The following CMTM3 variants were observed in gnomAD, a reference collection of about 807,000 sequenced individuals.
The protein encoded by CMTM3 is CKLF like MARVEL transmembrane domain containing 3.
CMTM3 carries 7 observed loss-of-function variants against 18.2 expected under a neutral mutation model. The observed-to-expected ratio is 0.38, with a 90% confidence interval of 0.22 to 0.72. The LOEUF is 0.72. CMTM3 is among the 30% of genes least tolerant of loss of function. The pLI is 0.46. For synonymous variants in CMTM3, 109 were observed against 111.2 expected (o/e 0.98, Z 0.12); for missense variants, 227 against 249.2 (o/e 0.91, Z 0.60).
In CMTM3 at chr16:66,613,061, G is replaced by A. The variant is rs2015443242; in HGVS notation, c.*424G>A. The A allele has an allele frequency of 5.7e-6, 4 of 702,982 alleles. No homozygotes were observed. The highest frequency in any genetic ancestry group is 1.7e-5 in the African/African-American group (1 of 57,352). The allele number at this position is 702,982 out of a possible 1,614,324, so 43.5% of individuals were successfully genotyped here. A position where few individuals can be genotyped will look rare whatever the true frequency, so the allele number is the denominator to read the frequency against. ...AAACCATGACAGGGCTGCCCCGCCA[G>A]GCCCCGGTGGGTTTGTCTGCACTTG... On this transcript the variant is annotated 3_prime_UTR_variant, in exon 5 of 5. Transcript: ENST00000567572.
rs768223155 is a variant in CMTM3 at position 66,608,479 on chromosome 16, C to T, written c.303+15C>T. Reference sequence around the variant, plus strand: ...GGCCCATGATGGTGAGGACAGGGGCCCCAGGAGGGAGGGGTGCCCTGCACA... The same window carrying T: ...GGCCCATGATGGTGAGGACAGGGGCTCCAGGAGGGAGGGGTGCCCTGCACA... On this transcript the variant is annotated intron_variant, in intron 2 of 4. Coordinates refer to ENST00000567572, the MANE Select transcript of CMTM3 (RefSeq NM_181553.4). This position sits in a 1 kb window ranked among gnomAD's most constrained non-coding sequence, Gnocchi z 5.1. The T allele has an allele frequency of 1.2e-5, 19 of 1,612,862 alleles. No individual in the cohort carries two copies. Among genetic ancestry groups the T allele is most frequent in the Non-Finnish European group, 1.6e-5 (19 of 1,179,966 alleles).
chr16:66,606,333 G>A (rs997458596), intron 1 of CMTM3, among the ~76,000 whole-genome samples: 1 of 152,152 alleles, frequency 6.6e-6, no homozygotes, highest in Non-Finnish European at 1.5e-5. Flanking sequence ...TTAGGCTTTG[G>A]GGTGCAGGCA....
rs1436383850 is a variant in CMTM3 at position 66,612,685 on chromosome 16, C to G, written c.*48C>G. ...ACCTGAGCCACACAGGCCTCCACCC[C>G]TGCGCCTCACAGGGGTCGCTGGCGT... On this transcript the variant is annotated 3_prime_UTR_variant, in exon 5 of 5. Coordinates refer to ENST00000567572, the MANE Select transcript of CMTM3 (RefSeq NM_181553.4). This position sits in a 1 kb window ranked among gnomAD's most constrained non-coding sequence, Gnocchi z 6.0. 1 of 1,597,256 alleles carries G rather than the reference C, an allele frequency of 6.3e-7. No individual in the cohort carries two copies. Among genetic ancestry groups the G allele is most frequent in the Admixed American group, 1.7e-5 (1 of 59,630 alleles).
Position 66,609,229 on chromosome 16 carries a change from C to A in CMTM3, c.304-206C>A. On this transcript the variant is annotated intron_variant, in intron 2 of 4. Transcript: ENST00000567572. This position sits in a 1 kb window ranked among gnomAD's most constrained non-coding sequence, Gnocchi z 4.4. The stretch of plus-strand genomic sequence containing the variant: ...CTTAGGACAGCAGCCCCGCTGGACC[C>A]GGGATAGGGCAGTGTCAGCTGCTGG... 3.4e-6 allele frequency: 2 copies of A among 586,910 alleles called. No individual in the cohort carries two copies. The highest frequency in any genetic ancestry group is 6.1e-6 in the Non-Finnish European group (2 of 328,890). The allele number at this position is 586,910 out of a possible 1,614,324, so 36.4% of individuals were successfully genotyped here.
At position 66,612,664 on chromosome 16, in the gene CMTM3, G is replaced by C; in HGVS notation, c.*27G>C. ...GGCCTGGCGGGTGCCTTGGCAACCTGAGCCACACAGGCCTCCACCCCTGCG... is the reference window on the plus strand; with the variant it reads ...GGCCTGGCGGGTGCCTTGGCAACCTCAGCCACACAGGCCTCCACCCCTGCG... On this transcript the variant is annotated 3_prime_UTR_variant, in exon 5 of 5. Transcript: ENST00000567572. This position sits in a 1 kb window ranked among gnomAD's most constrained non-coding sequence, Gnocchi z 6.0. 6.2e-7 allele frequency: 1 copy of C among 1,612,514 alleles called. No individual in the cohort carries two copies. Among genetic ancestry groups the C allele is most frequent in the Non-Finnish European group, 8.5e-7 (1 of 1,178,872 alleles).
rs1456169451 is a variant in CMTM3, at chr16:66,613,334, G to C, written c.*697G>C. 1.8e-6 allele frequency: 1 copy of C among 570,412 alleles called. No individual in the cohort carries two copies. The highest frequency in any genetic ancestry group is 3.1e-6 in the Non-Finnish European group (1 of 318,068). 35.3% of individuals were successfully genotyped at this position (570,412 alleles called of 1,614,324 possible). ...AAGAGCTCATAGACTGACTGGTCCAGAAGACAGAGGGTACAACAGTGGCAT... is the reference window on the plus strand; with the variant it reads ...AAGAGCTCATAGACTGACTGGTCCACAAGACAGAGGGTACAACAGTGGCAT... On this transcript the variant is annotated 3_prime_UTR_variant, in exon 5 of 5. Coordinates refer to ENST00000567572, the MANE Select transcript of CMTM3 (RefSeq NM_181553.4).
chr16:66,611,780 A>G lies in CMTM3; in HGVS notation c.521-829A>G, dbSNP rs377299222. ...GGGATTTCAGGAACCCTCGAGGTAC[A>G]CCTCATAGGCAGGCCCTTACCATTA... On this transcript the variant is annotated intron_variant, in intron 4 of 4. Transcript: ENST00000567572. 5.3e-5 allele frequency among the ~76,000 whole-genome samples: 8 copies of G among 152,144 alleles called. No homozygotes were observed. The South Asian group carries it at 1.7e-3, about 31-fold the overall frequency.
In CMTM3 at chr16:66,612,946, A is replaced by G; in HGVS notation, c.*309A>G. ...AAACCAGCACAAGGAGACAAAGCAG[A>G]GCCTTGTCTGTATCTGGGCAGCAGG... On this transcript the variant is annotated 3_prime_UTR_variant, in exon 5 of 5. Coordinates refer to ENST00000567572, the MANE Select transcript of CMTM3 (RefSeq NM_181553.4). The surrounding 1 kb of genome is among the most constrained non-coding windows in gnomAD (Gnocchi z 6.0). The G allele has an allele frequency of 1.5e-6, 1 of 656,846 alleles. No individual in the cohort carries two copies. The allele number at this position is 656,846 out of a possible 1,614,324, so 40.7% of individuals were successfully genotyped here.
chr16:66,612,996 G>A lies in CMTM3; in HGVS notation c.*359G>A. ...GTGTTCCATGCTGCTAGGTGGCGGG[G>A]GTCGGGGGTCTTCTGTTTCACTAAC... On this transcript the variant is annotated 3_prime_UTR_variant, in exon 5 of 5. Coordinates refer to ENST00000567572, the MANE Select transcript of CMTM3 (RefSeq NM_181553.4). This position sits in a 1 kb window ranked among gnomAD's most constrained non-coding sequence, Gnocchi z 6.0. The A allele has an allele frequency of 1.4e-6, 1 of 700,162 alleles. No individual in the cohort carries two copies. The highest frequency in any genetic ancestry group is 2.6e-6 in the Non-Finnish European group (1 of 383,106). The allele number at this position is 700,162 out of a possible 1,614,324, so 43.4% of individuals were successfully genotyped here. A position where few individuals can be genotyped will look rare whatever the true frequency, so the allele number is the denominator to read the frequency against.
Position 66,610,555 on chromosome 16 carries a change from G to A in CMTM3, c.520+552G>A, listed in dbSNP as rs1410439763. Among the ~76,000 whole-genome samples, 1 of 152,188 alleles carries A rather than the reference G, an allele frequency of 6.6e-6. No individual in the cohort carries two copies. The highest frequency in any genetic ancestry group is 6.5e-5 in the Admixed American group (1 of 15,286). On this transcript the variant is annotated intron_variant, in intron 4 of 4. Coordinates refer to ENST00000567572, the MANE Select transcript of CMTM3 (RefSeq NM_181553.4). This position sits in a 1 kb window ranked among gnomAD's most constrained non-coding sequence, Gnocchi z 4.6. ...GCCCACGCTGGGTGTCAGCTGGCCC[G>A]AGGCTCTGGAGGGGACACTAGAGCT...
Position 66,608,966 on chromosome 16 carries a change from T to C in CMTM3, c.304-469T>C, listed in dbSNP as rs1019652328. 2.6e-5 allele frequency among the ~76,000 whole-genome samples: 4 copies of C among 152,122 alleles called. No homozygotes were observed. The highest frequency in any genetic ancestry group is 9.7e-5 in the African/African-American group (4 of 41,350). On this transcript the variant is annotated intron_variant, in intron 2 of 4. Transcript: ENST00000567572. The surrounding 1 kb of genome is among the most constrained non-coding windows in gnomAD (Gnocchi z 5.1). ...CTTGAACCCTTGTCTCTTGACTTCA[T>C]ATCCAGCATCTGCTGCCTCAGGAGG...
At position 66,605,785 on chromosome 16, in the gene CMTM3, AG is replaced by A. The variant is rs2015127917; in HGVS notation, c.147+836del. 2.0e-5 allele frequency among the ~76,000 whole-genome samples: 3 copies of A among 152,190 alleles called. 1 individual carries two copies. The South Asian group carries it at 6.2e-4, about 32-fold the overall frequency. ...GAGGGGCCCAGTGAGAGCGGCCAGG[AG>A]GGTGGGGGCAGGAGGAAGGGGGATT... On this transcript the variant is annotated intron_variant, in intron 1 of 4. Coordinates refer to ENST00000567572, the MANE Select transcript of CMTM3 (RefSeq NM_181553.4). This position sits in a 1 kb window ranked among gnomAD's most constrained non-coding sequence, Gnocchi z 4.6.
chr16:66,607,688 C>T (rs1013735840), intron 1 of CMTM3, among the ~76,000 whole-genome samples: 4 of 152,128 alleles, frequency 2.6e-5, no homozygotes, highest in South Asian at 2.1e-4. Flanking sequence ...GATTTCCCTC[C>T]GCAGGGCACT....
rs1012284776 is a variant in CMTM3, at chr16:66,605,023, G to A, written c.147+71G>A. On this transcript the variant is annotated intron_variant, in intron 1 of 4. Coordinates refer to ENST00000567572, the MANE Select transcript of CMTM3 (RefSeq NM_181553.4). The surrounding 1 kb of genome is among the most constrained non-coding windows in gnomAD (Gnocchi z 4.6). ...TCCTTTCGGAGGAGGACGTCGGGGCGCGGGTGGGGTCCGGGGGCGGCCGCC... is the reference window on the plus strand; with the variant it reads ...TCCTTTCGGAGGAGGACGTCGGGGCACGGGTGGGGTCCGGGGGCGGCCGCC... The A allele has an allele frequency of 2.3e-6, 3 of 1,317,354 alleles. No homozygotes were observed. Among genetic ancestry groups the A allele is most frequent in the South Asian group, 3.5e-5 (2 of 57,356 alleles). The allele number at this position is 1,317,354 out of a possible 1,614,324, so 81.6% of individuals were successfully genotyped here.
upstream of CMTM3, chr16:66,604,637 G>C (rs984386569): frequency 4.2e-6 from 2 of 471,596 alleles, no homozygotes; most frequent in Non-Finnish European, 6.5e-6. Context: ...AGGGGGAGGG[G>C]CGGGCTGGAG....
Position 66,604,957 on chromosome 16 carries a change from G to C in CMTM3, c.147+5G>C, listed in dbSNP as rs776594557. 7 of 1,499,294 alleles carry C rather than the reference G, an allele frequency of 4.7e-6. No homozygotes were observed. The highest frequency in any genetic ancestry group is 5.3e-6 in the Non-Finnish European group (6 of 1,134,838). 92.9% of individuals were successfully genotyped at this position (1,499,294 alleles called of 1,614,324 possible). On this transcript the variant is annotated splice_donor_5th_base_variant and intron_variant, in intron 1 of 4. Coordinates refer to ENST00000567572, the MANE Select transcript of CMTM3 (RefSeq NM_181553.4). ...CGCCTCCTGCTGGCCGAGTCGGTGAGTGCGGCGGGACCCTCGGCCGCCCCG... is the reference window on the plus strand; with the variant it reads ...CGCCTCCTGCTGGCCGAGTCGGTGACTGCGGCGGGACCCTCGGCCGCCCCG...
At position 66,609,783 on chromosome 16, in the gene CMTM3, G is replaced by A. The variant is rs769263896; in HGVS notation, c.400-100G>A. ...GGGGTCTGTGCCTGACACTCGGGCTGTTTGTCCAAGCAGATCTGAAATGGG... is the reference window on the plus strand; with the variant it reads ...GGGGTCTGTGCCTGACACTCGGGCTATTTGTCCAAGCAGATCTGAAATGGG... On this transcript the variant is annotated intron_variant, in intron 3 of 4. Transcript: ENST00000567572. The surrounding 1 kb of genome is among the most constrained non-coding windows in gnomAD (Gnocchi z 4.4). 36 of 1,611,494 alleles carry A rather than the reference G, an allele frequency of 2.2e-5. No individual in the cohort carries two copies. The highest frequency in any genetic ancestry group is 7.7e-5 in the South Asian group (7 of 90,940).
Position 66,608,600 on chromosome 16 carries a change from AC to A in CMTM3, c.303+139del. ...CAGTTGGTTAGAACTGGATGGAGAG[AC>A]CCAGCTTCAGATCATCCCAGCTCCA... On this transcript the variant is annotated intron_variant, in intron 2 of 4. Coordinates refer to ENST00000567572, the MANE Select transcript of CMTM3 (RefSeq NM_181553.4). This position sits in a 1 kb window ranked among gnomAD's most constrained non-coding sequence, Gnocchi z 5.1. 1 of 810,672 alleles carries A rather than the reference AC, an allele frequency of 1.2e-6. No homozygotes were observed. The highest frequency in any genetic ancestry group is 1.8e-5 in the South Asian group (1 of 56,892). 50.2% of individuals were successfully genotyped at this position (810,672 alleles called of 1,614,324 possible). A position where few individuals can be genotyped will look rare whatever the true frequency, so the allele number is the denominator to read the frequency against.
rs2015438975 is a variant in CMTM3, at chr16:66,612,972, T to C, written c.*335T>C. The C allele has an allele frequency of 1.5e-6, 1 of 687,114 alleles. No homozygotes were observed. Among genetic ancestry groups the C allele is most frequent in the Admixed American group, 2.1e-5 (1 of 48,276 alleles). 42.6% of individuals were successfully genotyped at this position (687,114 alleles called of 1,614,324 possible). On this transcript the variant is annotated 3_prime_UTR_variant, in exon 5 of 5. Coordinates refer to ENST00000567572, the MANE Select transcript of CMTM3 (RefSeq NM_181553.4). The surrounding 1 kb of genome is among the most constrained non-coding windows in gnomAD (Gnocchi z 6.0). ...GCCTTGTCTGTATCTGGGCAGCAGG[T>C]GTTCCATGCTGCTAGGTGGCGGGGG... is the stretch of plus-strand genomic sequence containing the variant.
Sources: gnomAD v4.1 joint callset for allele counts (sites outside exome capture counted in the v4.1 genomes callset) on GRCh38, gnomAD v4.1.1 for gene constraint, Gnocchi (gnomAD v3.1) non-coding constraint, MANE v1.5 for transcripts, NCBI Gene and HGNC (gene_info 2026-07-23, HGNC 2026-07-21) for gene names.